PAIP2B: variants seen among roughly 807,000 people sequenced by gnomAD.
PAIP2B encodes polyadenylate-binding protein-interacting protein 2B.
A neutral mutation model predicts 17.0 loss-of-function variants in PAIP2B; 13 were observed. That is an observed-to-expected ratio of 0.76 (90% confidence interval 0.50 to 1.22). The LOEUF is 1.22. PAIP2B is among the 50% of genes most tolerant of loss of function. PAIP2B has a pLI of 0.00. For synonymous variants in PAIP2B, 43 were observed against 48.7 expected (o/e 0.88, Z 0.48); for missense variants, 117 against 144.5 (o/e 0.81, Z 0.98).
At chr2:71,212,382 A>G (rs968545365) in intron 1 of PAIP2B, among the ~76,000 whole-genome samples, 4 of 152,314 alleles carry the variant, frequency 2.6e-5, no homozygotes, top group African/African-American at 7.2e-5. Context: ...AGTCCTTTAC[A>G]GCTTCTAGCA....
In PAIP2B at chr2:71,188,370, C is replaced by T; in HGVS notation, c.*109G>A. The T allele has an allele frequency of 1.2e-6, 1 of 820,638 alleles. No homozygotes were observed. Among genetic ancestry groups the T allele is most frequent in the Non-Finnish European group, 2.0e-6 (1 of 498,216 alleles). The allele number at this position is 820,638 out of a possible 1,614,324, so 50.8% of individuals were successfully genotyped here. ...GTATTGTGAGACCACCACTCCCCTTCCCGCTGTGCACCCCTCGCCCGCCCC... is the reference window on the plus strand; with the variant it reads ...GTATTGTGAGACCACCACTCCCCTTTCCGCTGTGCACCCCTCGCCCGCCCC... On this transcript the variant is annotated 3_prime_UTR_variant, in exon 4 of 4. Coordinates refer to ENST00000244221, the MANE Select transcript of PAIP2B (RefSeq NM_020459.1).
intron 1 of PAIP2B, among the ~76,000 whole-genome samples, chr2:71,206,249 G>A (rs1238449066): frequency 1.3e-5 from 2 of 152,158 alleles, no homozygotes; most frequent in Non-Finnish European, 2.9e-5. Flanking sequence ...TGCTTGAGAA[G>A]CAGTTCTTTA....
At chr2:71,207,604 A>G (rs1364921266) in intron 1 of PAIP2B, among the ~76,000 whole-genome samples, 1 of 152,222 alleles carries the variant, frequency 6.6e-6, no homozygotes, top group Non-Finnish European at 1.5e-5. Flanking sequence ...GTTAATAATG[A>G]GAGACTGGTA....
At chr2:71,193,211 CA>C (rs1391468483) in intron 2 of PAIP2B, among the ~76,000 whole-genome samples, 1 of 151,934 alleles carries the variant, frequency 6.6e-6, no homozygotes, top group Non-Finnish European at 1.5e-5. Context: ...AGCTTTTTTT[CA>C]TATGCTTGTT....
rs189830196 is a variant in PAIP2B at position 71,213,958 on chromosome 2, G to C, written c.-11-11358C>G. On this transcript the variant is annotated intron_variant, in intron 1 of 3. Coordinates refer to ENST00000244221, the MANE Select transcript of PAIP2B (RefSeq NM_020459.1). ...ATAACAATCCCACAAGGCAGGGACT[G>C]TTAGTCTCCCAGTTGTTTTCATACA... Among the ~76,000 whole-genome samples, 4 of 152,282 alleles carry C rather than the reference G, an allele frequency of 2.6e-5. No individual in the cohort carries two copies. In the East Asian group the frequency reaches 5.8e-4, roughly 22 times the overall value.
intron 1 of PAIP2B, among the ~76,000 whole-genome samples, chr2:71,207,243 A>G (rs566228726): frequency 1.7e-4 from 26 of 152,342 alleles, no homozygotes; most frequent in South Asian, 1.7e-3. Context: ...CCTGAGCAAG[A>G]AACATTTTCA....
At chr2:71,192,513 G>A (rs932503874) in intron 2 of PAIP2B, among the ~76,000 whole-genome samples, 2 of 151,880 alleles carry the variant, frequency 1.3e-5, no homozygotes, top group African/African-American at 4.8e-5. Flanking sequence ...TGTCACAGGG[G>A]TTTGTTGTAC....
At chr2:71,212,252 G>T (rs1268407843) in intron 1 of PAIP2B, among the ~76,000 whole-genome samples, 1 of 152,126 alleles carries the variant, frequency 6.6e-6, no homozygotes, top group Non-Finnish European at 1.5e-5. Context: ...CCGAGCCTAA[G>T]GTCTTCCCCA....
In PAIP2B at chr2:71,182,876, A is replaced by T. The variant is rs190614574; in HGVS notation, c.*5603T>A. ...AGTTTTAAAGCCCTGTCCCTCCCCCAAAGAAGGATTAATAACTACCAAGTA... is the reference window on the plus strand; with the variant it reads ...AGTTTTAAAGCCCTGTCCCTCCCCCTAAGAAGGATTAATAACTACCAAGTA... On this transcript the variant is annotated 3_prime_UTR_variant, in exon 4 of 4. Coordinates refer to ENST00000244221, the MANE Select transcript of PAIP2B (RefSeq NM_020459.1). 10 of 139,732 alleles carry T rather than the reference A, an allele frequency of 7.2e-5. No homozygotes were observed. In the Admixed American group the frequency reaches 7.5e-4, roughly 10 times the overall value. 8.7% of individuals were successfully genotyped at this position (139,732 alleles called of 1,614,324 possible).
Position 71,202,438 on chromosome 2 carries a change from AG to A in PAIP2B, c.138+13del. 1 of 1,609,170 alleles carries A rather than the reference AG, an allele frequency of 6.2e-7. No individual in the cohort carries two copies. Among genetic ancestry groups the A allele is most frequent in the African/African-American group, 1.3e-5 (1 of 74,740 alleles). On this transcript the variant is annotated intron_variant, in intron 2 of 3. Transcript: ENST00000244221. Reference sequence around the variant, plus strand: ...TGTATCATCAATCTTCCACTTTTCCAGTTCTTTCTTTACCTGTCTGTTGAAA... The same window carrying A: ...TGTATCATCAATCTTCCACTTTTCCATTCTTTCTTTACCTGTCTGTTGAAA...
At position 71,190,037 on chromosome 2, in the gene PAIP2B, G is replaced by A. The variant is rs1377084673; in HGVS notation, c.139-16C>T. 3.1e-6 allele frequency: 5 copies of A among 1,602,826 alleles called. No individual in the cohort carries two copies. The highest frequency in any genetic ancestry group is 4.3e-6 in the Non-Finnish European group (5 of 1,174,892). Reference sequence around the variant, plus strand: ...CCTCCTCCACCTAGCAAGCAAAGGGGAGCAGCTCAGACTTACTGTCACAGC... The same window carrying A: ...CCTCCTCCACCTAGCAAGCAAAGGGAAGCAGCTCAGACTTACTGTCACAGC... On this transcript the variant is annotated splice_polypyrimidine_tract_variant and intron_variant, in intron 2 of 3. Transcript: ENST00000244221.
At chr2:71,207,533 A>T (rs543680086) in intron 1 of PAIP2B, among the ~76,000 whole-genome samples, 307 of 134,988 alleles carry the variant, frequency 2.3e-3, no homozygotes, top group African/African-American at 7.8e-3. Flanking sequence ...CCGTAGCATG[A>T]TTCGACATAT....
chr2:71,202,513 T>A lies in PAIP2B; in HGVS notation c.77A>T (p.Glu26Val), dbSNP rs1355571084. Residue 26 changes from glutamate (E) to valine (V), a missense_variant, in exon 2 of 4, where the codon GAA becomes GTA. Transcript: ENST00000244221. ...KEDQGLSGHD[E>V]KENPFAEYMW... is the part of the protein sequence containing the mutation. ...GTACTCTGCAAATGGGTTTTCCTTTTCATCGTGCCCACTTAACCCCTGGTC... is the reference window on the plus strand; with the variant it reads ...GTACTCTGCAAATGGGTTTTCCTTTACATCGTGCCCACTTAACCCCTGGTC... The A allele has an allele frequency of 1.9e-6, 3 of 1,613,890 alleles. No individual in the cohort carries two copies. The highest frequency in any genetic ancestry group is 2.7e-5 in the African/African-American group (2 of 74,948).
In PAIP2B at chr2:71,185,058, G is replaced by T. The variant is rs57241454; in HGVS notation, c.*3421C>A. Reference sequence around the variant, plus strand: ...ATTTGTCTACCTGGGGTTTGCAGCAGCCCTAGTACAAGAAGATTCATTCGT... The same window carrying T: ...ATTTGTCTACCTGGGGTTTGCAGCATCCCTAGTACAAGAAGATTCATTCGT... On this transcript the variant is annotated 3_prime_UTR_variant, in exon 4 of 4. Transcript: ENST00000244221. 6.6e-6 allele frequency: 1 copy of T among 152,170 alleles called. No individual in the cohort carries two copies. Among genetic ancestry groups the T allele is most frequent in the Non-Finnish European group, 1.5e-5 (1 of 68,038 alleles). 9.4% of individuals were successfully genotyped at this position (152,170 alleles called of 1,614,324 possible).
intron 1 of PAIP2B, among the ~76,000 whole-genome samples, chr2:71,209,044 A>G (rs972433760): frequency 1.3e-5 from 2 of 152,218 alleles, no homozygotes; most frequent in Non-Finnish European, 2.9e-5. Flanking sequence ...GTAAAGTAGG[A>G]ATACAGAAGG....
At chr2:71,226,231 G>A (rs1675721067) in intron 1 of PAIP2B, among the ~76,000 whole-genome samples, 1 of 152,188 alleles carries the variant, frequency 6.6e-6, no homozygotes, top group Admixed American at 6.5e-5. Context: ...CCTGTTCTGC[G>A]TATTCTGCCT....
chr2:71,218,565 C>A (rs1675492563), intron 1 of PAIP2B, among the ~76,000 whole-genome samples: 1 of 152,134 alleles, frequency 6.6e-6, no homozygotes, highest in African/African-American at 2.4e-5. Context: ...CATTTTCCTG[C>A]AGGATAATTT....
chr2:71,213,527 G>C (rs1207946640), intron 1 of PAIP2B, among the ~76,000 whole-genome samples: 4 of 152,204 alleles, frequency 2.6e-5, no homozygotes, highest in African/African-American at 9.7e-5. Context: ...GCTAGACAGA[G>C]TGAAGAAGAA....
chr2:71,200,279 G>A (rs1217486078), intron 2 of PAIP2B, among the ~76,000 whole-genome samples: 2 of 151,568 alleles, frequency 1.3e-5, no homozygotes, highest in African/African-American at 4.9e-5. Context: ...AATGGGGGTT[G>A]GCAGTGGTAA....
Sources: allele counts gnomAD v4.1 joint callset (sites outside exome capture counted in the v4.1 genomes callset), GRCh38; gene constraint gnomAD v4.1.1; transcripts MANE v1.5; gene names NCBI Gene and HGNC (gene_info 2026-07-23, HGNC 2026-07-21).